SLC7A1: variants seen among roughly 807,000 people sequenced by gnomAD.
SLC7A1 encodes the protein solute carrier family 7 member 1, also known as high affinity cationic amino acid transporter 1.
Under a neutral mutation model 53.9 loss-of-function variants are expected in SLC7A1, and 10 were observed. The observed-to-expected ratio is 0.19, with a 90% CI of 0.11 to 0.31. The LOEUF (loss-of-function observed/expected upper bound fraction) is 0.31. Ranked by LOEUF, SLC7A1 falls within the 10% of genes least tolerant of loss-of-function variation. The pLI is 1.00. For synonymous variants in SLC7A1, 342 were observed against 338.7 expected, an observed-to-expected ratio of 1.01 and a Z score of -0.11; for missense variants, 525 against 827.2, an observed-to-expected ratio of 0.63 and a Z score of 4.48.
At chr13:29,540,882 T>C (rs369946743) in intron 2 of SLC7A1, among the ~76,000 whole-genome samples, 16 of 152,206 alleles carry the variant, frequency 1.1e-4, no homozygotes, top group African/African-American at 3.6e-4. Flanking sequence ...ATTACTATTA[T>C]AGGATATCAT....
intron 1 of SLC7A1, among the ~76,000 whole-genome samples, chr13:29,561,341 C>G (rs910795035): frequency 3.3e-5 from 5 of 152,092 alleles, no homozygotes; most frequent in Non-Finnish European, 7.4e-5. Flanking sequence ...AAGAATGAAG[C>G]TACAAGGGAC....
At chr13:29,591,358 C>T (rs373677955) in intron 1 of SLC7A1, among the ~76,000 whole-genome samples, 3 of 152,174 alleles carry the variant, frequency 2.0e-5, no homozygotes, top group East Asian at 1.9e-4. Context: ...ACACTGACCC[C>T]GTAAGTGGAA....
In SLC7A1 at chr13:29,579,735, C is replaced by T. The variant is rs141755401; in HGVS notation, c.-115+15681G>A. Among the ~76,000 whole-genome samples the T allele has an allele frequency of 6.9e-4, 105 of 152,282 alleles. 2 individuals are homozygous for T. The East Asian group carries it at 0.013, about 19-fold the overall frequency. ...TGCACTGGAAATACACTATTCTGAA[C>T]GGCCCAAGTTCCTCCGGAGTATTCC... On this transcript the variant is annotated intron_variant, in intron 1 of 12. Coordinates refer to ENST00000380752, the MANE Select transcript of SLC7A1 (RefSeq NM_003045.5).
intron 1 of SLC7A1, among the ~76,000 whole-genome samples, chr13:29,569,114 T>A (rs944018645): frequency 6.6e-6 from 1 of 152,168 alleles, no homozygotes; most frequent in African/African-American, 2.4e-5. Context: ...CTCTGCCCCA[T>A]GTCTGAAATC....
At chr13:29,532,711 A>T in intron 4 of SLC7A1, 113 bp downstream of exon 4, 1 of 974,328 alleles carries the variant, frequency 1.0e-6, no homozygotes, top group East Asian at 2.5e-5. Flanking sequence ...CAAAACAAAA[A>T]GAAATGGGGG....
chr13:29,589,692 C>T (rs560402333), intron 1 of SLC7A1, among the ~76,000 whole-genome samples: 2 of 152,290 alleles, frequency 1.3e-5, no homozygotes, highest in South Asian at 2.1e-4. Context: ...AACAGAGGGA[C>T]GCAGGCAGAT....
At position 29,519,538 on chromosome 13, in the gene SLC7A1, A is replaced by G; in HGVS notation, c.1201T>C (p.Phe401Leu). 1 of 1,608,360 alleles carries G rather than the reference A, an allele frequency of 6.2e-7. No homozygotes were observed. The highest frequency in any genetic ancestry group is 8.5e-7 in the Non-Finnish European group (1 of 1,175,218). ...ACCAAGTCCTTCAGGTCAAAGAGGAAGGCCATCACAGCTGGGAAGAGACAG... is the reference window on the plus strand; with the variant it reads ...ACCAAGTCCTTCAGGTCAAAGAGGAGGGCCATCACAGCTGGGAAGAGACAG... ...ASGAVAAVMAFLFDLKDLVDL... is the reference protein window; with the variant it reads ...ASGAVAAVMALLFDLKDLVDL... The change falls in exon 9 of 13, where the codon TTC (phenylalanine) becomes CTC (leucine). Residue 401 changes from phenylalanine to leucine, a missense_variant. This residue lies in a region of SLC7A1 where 354 missense variants were observed against 587.5 expected (regional missense o/e 0.60). Coordinates refer to ENST00000380752, the MANE Select transcript of SLC7A1 (RefSeq NM_003045.5).
In SLC7A1 at chr13:29,535,963, C is replaced by A. The variant is rs2139104793; in HGVS notation, c.226G>T (p.Ala76Ser). 1 of 1,614,182 alleles carries A rather than the reference C, an allele frequency of 6.2e-7. No homozygotes were observed. The highest frequency in any genetic ancestry group is 1.7e-5 in the Admixed American group (1 of 60,026). ...TAGCACAGGCCAGCCAGCACTGAGG[C>A]CAGCGCAGCGATCAGGAAGGAGATG... ...IVISFLIAAL[A>S]SVLAGLCYGE... The change falls in exon 3 of 13, where the codon GCC (alanine) becomes TCC (serine). Residue 76 changes from alanine (A) to serine (S), a missense_variant. By Grantham distance (99) the Ala-to-Ser change is moderately conservative. Around this residue, in one of 4 missense-constraint regions of SLC7A1, gnomAD observed 354 missense variants for 587.5 expected, o/e 0.60. Coordinates refer to ENST00000380752, the MANE Select transcript of SLC7A1 (RefSeq NM_003045.5).
At chr13:29,556,655 A>G (rs1593564821) in intron 1 of SLC7A1, among the ~76,000 whole-genome samples, 1 of 152,260 alleles carries the variant, frequency 6.6e-6, no homozygotes, top group Non-Finnish European at 1.5e-5. Context: ...CTGGGATTAC[A>G]GAGGTATGCC....
chr13:29,525,479 C>T (rs1319993489), intron 5 of SLC7A1, among the ~76,000 whole-genome samples: 2 of 152,186 alleles, frequency 1.3e-5, no homozygotes, highest in South Asian at 2.1e-4. Context: ...ACTGACATCC[C>T]TCAGGTTGGC....
chr13:29,527,206 A>C (rs1297058164), intron 5 of SLC7A1, among the ~76,000 whole-genome samples: 1 of 152,204 alleles, frequency 6.6e-6, no homozygotes, highest in East Asian at 1.9e-4. Flanking sequence ...GCTTGTGCTT[A>C]CACAGGGAGA....
At chr13:29,579,050 C>G (rs1025990293) in intron 1 of SLC7A1, among the ~76,000 whole-genome samples, 2 of 152,222 alleles carry the variant, frequency 1.3e-5, no homozygotes, top group Admixed American at 1.3e-4. Context: ...GCAGACAGCT[C>G]TCTCTAGATA....
intron 8 of SLC7A1, among the ~76,000 whole-genome samples, chr13:29,519,807 A>G (rs1007231851): frequency 1.3e-5 from 2 of 152,108 alleles, no homozygotes; most frequent in African/African-American, 4.8e-5. Context: ...CATTCTTGTG[A>G]TTTTAATGGC....
chr13:29,594,604 AG>A (rs548790084), intron 1 of SLC7A1, among the ~76,000 whole-genome samples: 29 of 152,336 alleles, frequency 1.9e-4, no homozygotes, highest in Admixed American at 1.9e-3. Flanking sequence ...CTACGCAGAA[AG>A]GAACACCCTG....
intron 1 of SLC7A1, among the ~76,000 whole-genome samples, chr13:29,585,601 C>T (rs921788161): frequency 1.3e-5 from 2 of 152,106 alleles, no homozygotes; most frequent in Non-Finnish European, 1.5e-5. Flanking sequence ...CAGTGAGTAC[C>T]AGTGTGTGCG....
At chr13:29,592,049 A>G (rs1424253144) in intron 1 of SLC7A1, among the ~76,000 whole-genome samples, 1 of 152,214 alleles carries the variant, frequency 6.6e-6, no homozygotes, top group Non-Finnish European at 1.5e-5. Flanking sequence ...CGAAGTCTAA[A>G]TTACTTCAGA....
At chr13:29,575,322 T>C (rs2139173856) in intron 1 of SLC7A1, among the ~76,000 whole-genome samples, 1 of 152,344 alleles carries the variant, frequency 6.6e-6, no homozygotes, top group Non-Finnish European at 1.5e-5. Context: ...CCCAGGCAGA[T>C]CTTCTCAAAA....
chr13:29,587,386 T>C (rs1177048322), intron 1 of SLC7A1, among the ~76,000 whole-genome samples: 1 of 152,176 alleles, frequency 6.6e-6, no homozygotes, highest in African/African-American at 2.4e-5. Context: ...TTAAAACCTT[T>C]CCCTAGGAAC....
At chr13:29,589,259 G>A (rs945346637) in intron 1 of SLC7A1, among the ~76,000 whole-genome samples, 29 of 152,272 alleles carry the variant, frequency 1.9e-4, no homozygotes, top group African/African-American at 7.0e-4. Flanking sequence ...AAAGGAAGCT[G>A]ACTTTCCCCT....
Sources: allele counts gnomAD v4.1 joint callset (sites outside exome capture counted in the v4.1 genomes callset), GRCh38; gene constraint gnomAD v4.1.1; regional missense constraint gnomAD v4.1.1; transcripts MANE v1.5; gene names NCBI Gene and HGNC (gene_info 2026-07-23, HGNC 2026-07-21).